The following GPRIN3 variants were observed in gnomAD, a reference collection of about 807,000 sequenced individuals.
The protein encoded by GPRIN3 is GPRIN family member 3, also known as G protein-regulated inducer of neurite outgrowth 3.
GPRIN3 carries 12 observed loss-of-function variants against 13.7 expected under a neutral mutation model. The observed-to-expected ratio is 0.87, with a 90% confidence interval of 0.56 to 1.42. The LOEUF (loss-of-function observed/expected upper bound fraction) is 1.42, where lower values mean the gene tolerates loss of function less well. Ranked by LOEUF, GPRIN3 falls within the 40% of genes most tolerant of loss-of-function variation. GPRIN3 has a pLI of 0.00. For missense variants in GPRIN3, 1,009 were observed against 958.7 expected (o/e 1.05, Z -0.69); for synonymous variants, 377 against 372.7 (o/e 1.01, Z -0.13).
At chr4:89,258,326 C>T (rs1252015924) in intron 1 of GPRIN3, among the ~76,000 whole-genome samples, 5 of 151,652 alleles carry the variant, frequency 3.3e-5, no homozygotes, top group East Asian at 2.0e-4. Context: ...AAGCAATTCT[C>T]GTGCCTCAGT....
At chr4:89,270,447 C>T (rs1436554999) in intron 1 of GPRIN3, among the ~76,000 whole-genome samples, 1 of 150,222 alleles carries the variant, frequency 6.7e-6, no homozygotes, top group African/African-American at 2.4e-5. Context: ...TCATCTATTT[C>T]TTATTCTTTC....
chr4:89,270,950 G>A (rs13103730), intron 1 of GPRIN3, among the ~76,000 whole-genome samples: 6 of 152,118 alleles, frequency 3.9e-5, no homozygotes, highest in Admixed American at 3.9e-4. Flanking sequence ...AGGCTACAAT[G>A]CTCAGGGATA....
intron 1 of GPRIN3, among the ~76,000 whole-genome samples, chr4:89,280,013 T>A (rs1215995618): frequency 6.6e-6 from 1 of 152,180 alleles, no homozygotes; most frequent in Non-Finnish European, 1.5e-5. Flanking sequence ...CGTTTTCACT[T>A]CTAAGCTTGT....
intron 1 of GPRIN3, among the ~76,000 whole-genome samples, chr4:89,263,927 G>A (rs72653549): frequency 0.071 from 10,745 of 152,160 alleles, 473 homozygotes; most frequent in South Asian, 0.15. Flanking sequence ...ATAATGTATG[G>A]GGATAAAAGA....
chr4:89,249,786 C>A lies in GPRIN3; in HGVS notation c.325G>T (p.Ala109Ser). ...NPQLPGSSQPAASAPSSAAGR... is the reference protein window; with the variant it reads ...NPQLPGSSQPSASAPSSAAGR... ...GCTGCAGAACTCGGGGCTGATGCTG[C>A]GGGCTGGCTGCTCCCTGGCAGCTGG... Residue 109 changes from alanine to serine, a missense_variant, in exon 2 of 2, where the codon GCA (alanine) becomes TCA (serine). Physicochemically the swap from Ala to Ser is moderately conservative, Grantham distance 99. Transcript: ENST00000609438. 2 of 1,614,130 alleles carry A rather than the reference C, an allele frequency of 1.2e-6. No individual in the cohort carries two copies. The highest frequency in any genetic ancestry group is 1.7e-6 in the Non-Finnish European group (2 of 1,180,006).
chr4:89,265,193 C>T (rs1229837763), intron 1 of GPRIN3, among the ~76,000 whole-genome samples: 1 of 152,022 alleles, frequency 6.6e-6, no homozygotes, highest in Non-Finnish European at 1.5e-5. Flanking sequence ...ATACTGCCAC[C>T]ATAATTATTA....
At position 89,249,093 on chromosome 4, in the gene GPRIN3, G is replaced by A. The variant is rs1312009916; in HGVS notation, c.1018C>T (p.Leu340Phe). ...CGGCTTTCCTTCAGAAATGCAGTGAGGATACTGGGGCTGGTGGAGACGGAT... is the reference window on the plus strand; with the variant it reads ...CGGCTTTCCTTCAGAAATGCAGTGAAGATACTGGGGCTGGTGGAGACGGAT... ...SRSVSTSPSI[L>F]TAFLKESRAP... Residue 340 changes from leucine to phenylalanine, a missense_variant, in exon 2 of 2, where the codon CTC (leucine) becomes TTC (phenylalanine). Physicochemically the swap from Leu to Phe is conservative, Grantham distance 22. Transcript: ENST00000609438. 2.5e-6 allele frequency: 4 copies of A among 1,614,204 alleles called. No homozygotes were observed. Among genetic ancestry groups the A allele is most frequent in the Non-Finnish European group, 3.4e-6 (4 of 1,180,032 alleles).
At chr4:89,263,905 A>G (rs575241249) in intron 1 of GPRIN3, among the ~76,000 whole-genome samples, 6 of 152,364 alleles carry the variant, frequency 3.9e-5, no homozygotes, top group Admixed American at 1.3e-4. Flanking sequence ...AATGGGAAAT[A>G]AACATGAACT....
Position 89,254,237 on chromosome 4 carries a change from C to T in GPRIN3, c.-123-4004G>A, listed in dbSNP as rs544209142. 6.0e-4 allele frequency among the ~76,000 whole-genome samples: 91 copies of T among 151,134 alleles called. 1 individual carries two copies. The highest frequency in any genetic ancestry group is 1.0e-3 in the Non-Finnish European group (70 of 67,826). ...TTTTCCTTCTTTCTCTTTTTTTAAACCTTTTTTTTAAGTTCAGAGGTAAAT... is the reference window on the plus strand; with the variant it reads ...TTTTCCTTCTTTCTCTTTTTTTAAATCTTTTTTTTAAGTTCAGAGGTAAAT... On this transcript the variant is annotated intron_variant, in intron 1 of 1. Coordinates refer to ENST00000609438, the MANE Select transcript of GPRIN3 (RefSeq NM_198281.3).
intron 1 of GPRIN3, among the ~76,000 whole-genome samples, chr4:89,279,533 GCA>G (rs1186984655): frequency 6.6e-6 from 1 of 152,138 alleles, no homozygotes; most frequent in Admixed American, 6.5e-5. Context: ...CCCACTTCTT[GCA>G]CAGTCACTCC....
intron 1 of GPRIN3, among the ~76,000 whole-genome samples, chr4:89,286,979 G>C (rs1324407392): frequency 2.0e-5 from 3 of 152,066 alleles, no homozygotes; most frequent in African/African-American, 7.2e-5. Context: ...TTCACTCTGG[G>C]TAACATAAGA....
chr4:89,288,571 C>T (rs1431793977), intron 1 of GPRIN3, among the ~76,000 whole-genome samples: 3 of 152,072 alleles, frequency 2.0e-5, no homozygotes, highest in Admixed American at 2.0e-4. Flanking sequence ...AACTTTGGCC[C>T]AGATGAGGGG....
chr4:89,304,176 CACTAAATTGT>C (rs1724975015), intron 1 of GPRIN3, among the ~76,000 whole-genome samples: 1 of 152,166 alleles, frequency 6.6e-6, no homozygotes, highest in Non-Finnish European at 1.5e-5. Context: ...GCCATGTACT[CACTAAATTGT>C]AAGTCTTGCC....
rs1723213749 is a variant in GPRIN3 at position 89,248,970 on chromosome 4, C to T, written c.1141G>A (p.Glu381Lys). The T allele has an allele frequency of 6.2e-7, 1 of 1,614,140 alleles. No individual in the cohort carries two copies. Among genetic ancestry groups the T allele is most frequent in the Non-Finnish European group, 8.5e-7 (1 of 1,180,006 alleles). Residue 381 changes from glutamate to lysine, a missense_variant, in exon 2 of 2, where the codon GAG becomes AAG. Coordinates refer to ENST00000609438, the MANE Select transcript of GPRIN3 (RefSeq NM_198281.3). ...ATGATGCCAGGGCACTGGCTGGACT[C>T]CTGGGGGGCTAGCGTGCTGTCAGAG... ...ELSDSTLAPQ[E>K]SSQCPGIMPQ...
chr4:89,305,914 A>G (rs891222647), intron 1 of GPRIN3, among the ~76,000 whole-genome samples: 1 of 152,160 alleles, frequency 6.6e-6, no homozygotes, highest in African/African-American at 2.4e-5. Context: ...ATTTTGTCCT[A>G]ATCATTTTCG....
In GPRIN3 at chr4:89,274,070, A is replaced by T. The variant is rs111257972; in HGVS notation, c.-123-23837T>A. On this transcript the variant is annotated intron_variant, in intron 1 of 1. Coordinates refer to ENST00000609438, the MANE Select transcript of GPRIN3 (RefSeq NM_198281.3). ...AGTGGGAAAGACAGACAATGAGAGG[A>T]TTAGACAAATGGGGGAAGAGGGCTT... Among the ~76,000 whole-genome samples, 351 of 152,350 alleles carry T rather than the reference A, an allele frequency of 2.3e-3. 12 individuals are homozygous for T. The South Asian group carries it at 0.055, about 24-fold the overall frequency.
At chr4:89,263,277 G>T (rs10470938) in intron 1 of GPRIN3, among the ~76,000 whole-genome samples, 75,695 of 152,080 alleles carry the variant, frequency 0.5, 19,216 homozygotes, top group South Asian at 0.67. Context: ...GTATACATTT[G>T]GGCACAATTT....
In GPRIN3 at chr4:89,237,444, G is replaced by A. The variant is rs1171584711; in HGVS notation, c.*10336C>T. The A allele has an allele frequency of 6.6e-6, 1 of 152,190 alleles. No individual in the cohort carries two copies. The highest frequency in any genetic ancestry group is 1.5e-5 in the Non-Finnish European group (1 of 68,080). 9.4% of individuals were successfully genotyped at this position (152,190 alleles called of 1,614,324 possible). On this transcript the variant is annotated 3_prime_UTR_variant, in exon 2 of 2. Transcript: ENST00000609438. ...ATGGTGTTAGAAAGTGGGGGCTTTG[G>A]GTGGTGATTAGATGGTGGTCACAGA...
At chr4:89,270,474 C>T (rs1377303583) in intron 1 of GPRIN3, among the ~76,000 whole-genome samples, 2 of 146,664 alleles carry the variant, frequency 1.4e-5, no homozygotes, top group Non-Finnish European at 3.0e-5. Context: ...ACTCTTTTTC[C>T]TGTATGTATT....
Sources: allele counts gnomAD v4.1 joint callset (sites outside exome capture counted in the v4.1 genomes callset), GRCh38; gene constraint gnomAD v4.1.1; transcripts MANE v1.5; gene names NCBI Gene and HGNC (gene_info 2026-07-23, HGNC 2026-07-21).